CNTN5: variants seen among roughly 807,000 people sequenced by gnomAD.
CNTN5 encodes contactin-5.
In CNTN5, 77 loss-of-function variants were observed where a neutral mutation model predicts 129.1. The ratio of observed to expected loss-of-function variants is 0.60; its 90% confidence interval spans 0.50 to 0.72. CNTN5 has a LOEUF of 0.72. Among genes scored for constraint, CNTN5 ranks in the 30% least tolerant of loss-of-function variants. The pLI, the probability that CNTN5 is intolerant of heterozygous loss-of-function variation, is 0.00. For synonymous variants in CNTN5, 509 were observed against 465.6 expected (o/e 1.09, Z -1.20); for missense variants, 1,478 against 1,328.8 (o/e 1.11, Z -1.75).
chr11:99,484,351 T>C (rs1945723711), intron 2 of CNTN5, among the ~76,000 whole-genome samples: 1 of 152,060 alleles, frequency 6.6e-6, no homozygotes, highest in African/African-American at 2.4e-5. Context: ...CCTACTAGAA[T>C]AGCATTTATC....
chr11:99,624,832 C>G (rs1951073204), intron 3 of CNTN5, among the ~76,000 whole-genome samples: 1 of 152,110 alleles, frequency 6.6e-6, no homozygotes, highest in Non-Finnish European at 1.5e-5. Context: ...TCTGCAAATA[C>G]AGGCCATCAG....
intron 3 of CNTN5, among the ~76,000 whole-genome samples, chr11:99,782,487 C>T (rs1945347507): frequency 6.6e-6 from 1 of 151,300 alleles, no homozygotes; most frequent in African/African-American, 2.4e-5. Context: ...CTTTCAAGTT[C>T]ATATGGAACC....
At position 99,275,625 on chromosome 11, in the gene CNTN5, G is replaced by A. The variant is rs1318832087; in HGVS notation, c.-209-49721G>A. On this transcript the variant is annotated intron_variant, in intron 1 of 24. Coordinates refer to ENST00000524871, the MANE Select transcript of CNTN5 (RefSeq NM_014361.4). ...ATCTGTGAGCAGTTTTGTGAGTAGG[G>A]TGTATATATTTGCTCGTCTTGGCAG... is the stretch of plus-strand genomic sequence containing the variant. 2.0e-5 allele frequency among the ~76,000 whole-genome samples: 3 copies of A among 151,602 alleles called. No individual in the cohort carries two copies. The East Asian group carries it at 5.8e-4, about 29-fold the overall frequency.
At chr11:99,827,677 T>G (rs549633628) in intron 4 of CNTN5, among the ~76,000 whole-genome samples, 56 of 152,294 alleles carry the variant, frequency 3.7e-4, no homozygotes, top group African/African-American at 1.3e-3. Flanking sequence ...ACACATAGCT[T>G]TGTTTCCAAT....
At chr11:99,761,489 C>T (rs1944580739) in intron 3 of CNTN5, among the ~76,000 whole-genome samples, 1 of 151,804 alleles carries the variant, frequency 6.6e-6, no homozygotes, top group African/African-American at 2.4e-5. Flanking sequence ...TTGTTCAATT[C>T]CCACCTATGA....
intron 9 of CNTN5, among the ~76,000 whole-genome samples, chr11:100,056,319 AT>A (rs1412914634): frequency 1.3e-5 from 2 of 151,704 alleles, no homozygotes; most frequent in African/African-American, 4.8e-5. Flanking sequence ...AAAAAGTAAA[AT>A]TCCACTATCA....
chr11:100,115,630 A>G (rs559694624), intron 13 of CNTN5, among the ~76,000 whole-genome samples: 34 of 152,086 alleles, frequency 2.2e-4, no homozygotes, highest in African/African-American at 7.9e-4. Context: ...AGTGCCCCAA[A>G]CCTGTAAGAT....
chr11:99,859,900 G>A (rs1334181422), intron 6 of CNTN5, among the ~76,000 whole-genome samples: 4 of 152,112 alleles, frequency 2.6e-5, no homozygotes, highest in Non-Finnish European at 5.9e-5. Context: ...GTAATTCTAA[G>A]TTCTTTGAGA....
intron 9 of CNTN5, among the ~76,000 whole-genome samples, chr11:100,050,652 GA>G (rs938296754): frequency 1.9e-4 from 29 of 150,230 alleles, no homozygotes; most frequent in South Asian, 6.3e-4. Flanking sequence ...AAAGAAATGA[GA>G]AAAAAAAGAC....
chr11:100,347,897 A>G (rs572034933), intron 23 of CNTN5, among the ~76,000 whole-genome samples: 1 of 151,938 alleles, frequency 6.6e-6, no homozygotes, highest in African/African-American at 2.4e-5. Context: ...ACCAGCAAAA[A>G]TTTATTCTGT....
At chr11:99,701,220 C>A (rs1324834972) in intron 3 of CNTN5, among the ~76,000 whole-genome samples, 1 of 151,034 alleles carries the variant, frequency 6.6e-6, no homozygotes, top group Non-Finnish European at 1.5e-5. Flanking sequence ...ATAAAGAATG[C>A]AAATGAGCTT....
intron 13 of CNTN5, among the ~76,000 whole-genome samples, chr11:100,132,038 G>A (rs1187405854): frequency 6.6e-6 from 1 of 152,062 alleles, no homozygotes; most frequent in Admixed American, 6.6e-5. Flanking sequence ...CCAAGAGGAG[G>A]CCTTGGGAGT....
chr11:99,978,063 A>G (rs1938103352), intron 8 of CNTN5, among the ~76,000 whole-genome samples: 2 of 152,248 alleles, frequency 1.3e-5, no homozygotes, highest in South Asian at 4.1e-4. Flanking sequence ...TGAGAATTCC[A>G]GTCGCCTAGT....
chr11:99,355,823 T>G (rs1938612589), intron 2 of CNTN5, among the ~76,000 whole-genome samples: 1 of 118,438 alleles, frequency 8.4e-6, no homozygotes, highest in Admixed American at 7.7e-5. Flanking sequence ...TTTTTTTTGT[T>G]TTTTTTTTTT....
chr11:99,852,113 A>C (rs1591310942), intron 6 of CNTN5, among the ~76,000 whole-genome samples: 1 of 152,350 alleles, frequency 6.6e-6, no homozygotes, highest in East Asian at 1.9e-4. Context: ...TGTTATTACA[A>C]AATAAATTAG....
chr11:99,201,349 C>CTTT (rs1859181035), intron 1 of CNTN5, among the ~76,000 whole-genome samples: 1 of 6,174 alleles, frequency 1.6e-4, no homozygotes, highest in Non-Finnish European at 2.3e-4. Context: ...TCCTTCCTTT[C>CTTT]CTTTCCTTCC....
At chr11:99,075,245 G>T (rs531146764) in intron 1 of CNTN5, among the ~76,000 whole-genome samples, 211 of 152,186 alleles carry the variant, frequency 1.4e-3, no homozygotes, top group Middle Eastern at 3.4e-3. Flanking sequence ...AAATGTTCAT[G>T]TCAATATGAT....
chr11:99,819,595 G>T lies in CNTN5; in HGVS notation c.107G>T (p.Arg36Ile), dbSNP rs202004805. Residue 36 changes from arginine to isoleucine, a missense_variant, in exon 4 of 25, where the codon AGA (arginine) becomes ATA (isoleucine). Physicochemically the swap from Arg to Ile is moderately conservative, Grantham distance 97. Transcript: ENST00000524871. ...GLSTSYAALLRIKKSSSSSLF... is the reference protein window; with the variant it reads ...GLSTSYAALLIIKKSSSSSLF... ...TCCACTTCATATGCTGCTTTGTTAA[G>T]AATTAAGAAGAGTTCATCTTCATCT... The T allele has an allele frequency of 1.9e-5, 30 of 1,612,756 alleles. No individual in the cohort carries two copies. The highest frequency in any genetic ancestry group is 5.0e-5 in the Admixed American group (3 of 60,010).
chr11:99,172,295 A>G (rs1481677550), intron 1 of CNTN5, among the ~76,000 whole-genome samples: 1 of 152,250 alleles, frequency 6.6e-6, no homozygotes, highest in South Asian at 2.1e-4. Context: ...TTTGGTAAAC[A>G]TAAATGCAAT....
Sources: gnomAD v4.1 joint callset for allele counts (sites outside exome capture counted in the v4.1 genomes callset) on GRCh38, gnomAD v4.1.1 for gene constraint, MANE v1.5 for transcripts, NCBI Gene and HGNC (gene_info 2026-07-23, HGNC 2026-07-21) for gene names.